Variants in NKAIN3 observed in about 807,000 individuals in gnomAD.
NKAIN3 encodes sodium/potassium-transporting ATPase subunit beta-1-interacting protein 3.
A neutral mutation model predicts 30.2 loss-of-function variants in NKAIN3; 25 were observed. The ratio of observed to expected loss-of-function variants is 0.83; its 90% CI spans 0.60 to 1.16. The LOEUF is 1.16. Among genes scored for constraint, NKAIN3 ranks in the 50% most tolerant of loss-of-function variants. NKAIN3 has a pLI of 0.00. For missense variants in NKAIN3, 225 were observed against 254.1 expected, an observed-to-expected ratio of 0.89 and a Z score of 0.78; for synonymous variants, 91 against 89.6, an observed-to-expected ratio of 1.02 and a Z score of -0.09.
chr8:62,432,985 G>T (rs1385388195), intron 1 of NKAIN3, among the ~76,000 whole-genome samples: 1 of 152,106 alleles, frequency 6.6e-6, no homozygotes, highest in East Asian at 1.9e-4. Flanking sequence ...GCACATGAGA[G>T]CCACACTTGA....
intron 4 of NKAIN3, among the ~76,000 whole-genome samples, chr8:62,751,862 C>T (rs16929517): frequency 0.2 from 29,135 of 149,342 alleles, 3,218 homozygotes; most frequent in African/African-American, 0.3. Context: ...GAGAGCATTT[C>T]CTAGTCCTCT....
chr8:62,873,429 A>AG, intron 4 of NKAIN3, among the ~76,000 whole-genome samples: 1 of 150,116 alleles, frequency 6.7e-6, no homozygotes. Flanking sequence ...GACAGATCAA[A>AG]GAGACAGAAA....
rs558555015 is a variant in NKAIN3, at chr8:62,713,810, A to G, written c.274-33122A>G. Reference sequence around the variant, plus strand: ...AATAATGCAAATGGAGTTTTAGTTTATTGCTTCTGTATAAATTTCATTAGG... The same window carrying G: ...AATAATGCAAATGGAGTTTTAGTTTGTTGCTTCTGTATAAATTTCATTAGG... On this transcript the variant is annotated intron_variant, in intron 3 of 6. Transcript: ENST00000623646. 2.6e-5 allele frequency among the ~76,000 whole-genome samples: 4 copies of G among 152,246 alleles called. No homozygotes were observed. The South Asian group carries it at 8.3e-4, about 32-fold the overall frequency.
chr8:62,585,145 T>C (rs1810429747), intron 2 of NKAIN3, among the ~76,000 whole-genome samples: 1 of 152,154 alleles, frequency 6.6e-6, no homozygotes, highest in South Asian at 2.1e-4. Flanking sequence ...AATTATATGA[T>C]AAAATAGTAT....
chr8:62,766,220 A>G (rs1326515283), intron 4 of NKAIN3, among the ~76,000 whole-genome samples: 1 of 152,220 alleles, frequency 6.6e-6, no homozygotes, highest in Non-Finnish European at 1.5e-5. Context: ...CATATAATAG[A>G]TTTTATGATT....
At chr8:62,288,591 A>G (rs931560377) in intron 1 of NKAIN3, among the ~76,000 whole-genome samples, 2 of 152,136 alleles carry the variant, frequency 1.3e-5, no homozygotes, top group Admixed American at 6.6e-5. Flanking sequence ...TTATGGCTGC[A>G]TAGTATTCCA....
chr8:62,920,807 TG>T (rs1822254541), intron 5 of NKAIN3, among the ~76,000 whole-genome samples: 1 of 152,200 alleles, frequency 6.6e-6, no homozygotes, highest in South Asian at 2.1e-4. Context: ...AAACGAAACT[TG>T]GGTGCTCAAA....
chr8:62,603,520 C>T, intron 3 of NKAIN3, among the ~76,000 whole-genome samples: 1 of 152,050 alleles, frequency 6.6e-6, no homozygotes. Context: ...TAAAATTTTT[C>T]CATGTAGACA....
rs1824004429 is a variant in NKAIN3, at chr8:62,978,715, G to A, written c.*13308G>A. On this transcript the variant is annotated 3_prime_UTR_variant, in exon 7 of 7. Transcript: ENST00000623646. Reference sequence around the variant, plus strand: ...TCCCTGGTTTCAGCCCCCTTTCCAGGGGAGTGAATGGTTCTGTCTCTCTGG... The same window carrying A: ...TCCCTGGTTTCAGCCCCCTTTCCAGAGGAGTGAATGGTTCTGTCTCTCTGG... The A allele has an allele frequency of 6.5e-6, 1 of 153,022 alleles. No individual in the cohort carries two copies. The highest frequency in any genetic ancestry group is 2.4e-5 in the African/African-American group (1 of 41,446). The allele number at this position is 153,022 out of a possible 1,614,324, so 9.5% of individuals were successfully genotyped here.
intron 5 of NKAIN3, among the ~76,000 whole-genome samples, chr8:62,947,738 A>G (rs77106515): frequency 0.066 from 10,066 of 152,220 alleles, 579 homozygotes; most frequent in East Asian, 0.28. Flanking sequence ...AAGGAAGCTC[A>G]GGCCACATGT....
chr8:62,686,833 A>T (rs1242132568), intron 3 of NKAIN3, among the ~76,000 whole-genome samples: 1 of 152,232 alleles, frequency 6.6e-6, no homozygotes, highest in East Asian at 1.9e-4. Context: ...AAATATATTA[A>T]GTAAACAACC....
chr8:62,663,084 T>C (rs1195516485), intron 3 of NKAIN3, among the ~76,000 whole-genome samples: 1 of 152,220 alleles, frequency 6.6e-6, no homozygotes, highest in East Asian at 1.9e-4. Flanking sequence ...GGCAGGAAAG[T>C]GCATGGGAAG....
chr8:62,933,094 C>T (rs1282806142), intron 5 of NKAIN3, among the ~76,000 whole-genome samples: 3 of 151,966 alleles, frequency 2.0e-5, no homozygotes, highest in South Asian at 2.1e-4. Context: ...ACTTCAGATG[C>T]TCTGCTGGAT....
chr8:62,882,382 G>T (rs377153185), intron 4 of NKAIN3, among the ~76,000 whole-genome samples: 2 of 151,970 alleles, frequency 1.3e-5, no homozygotes, highest in South Asian at 2.1e-4. Flanking sequence ...ACAATGACGC[G>T]ATCTCTGCTC....
chr8:62,855,487 CTT>C, intron 4 of NKAIN3: 1 of 1,381,852 alleles, frequency 7.2e-7, no homozygotes, highest in Non-Finnish European at 1.0e-6. Context: ...TTTGTTTTCT[CTT>C]GGTAAATTTC....
At chr8:62,400,163 CTT>C (rs71255333) in intron 1 of NKAIN3, among the ~76,000 whole-genome samples, 5 of 122,242 alleles carry the variant, frequency 4.1e-5, no homozygotes, top group Non-Finnish European at 6.9e-5. Context: ...GCTATATTTT[CTT>C]TTTTTTTTTT....
intron 3 of NKAIN3, among the ~76,000 whole-genome samples, chr8:62,668,256 A>G (rs961742469): frequency 2.0e-5 from 3 of 152,138 alleles, no homozygotes; most frequent in African/African-American, 4.8e-5. Flanking sequence ...CCAATAAGGC[A>G]TGGACTTTGC....
At chr8:62,356,316 A>C (rs1271058379) in intron 1 of NKAIN3, among the ~76,000 whole-genome samples, 1 of 152,134 alleles carries the variant, frequency 6.6e-6, no homozygotes, top group Non-Finnish European at 1.5e-5. Flanking sequence ...TTTTCTCATC[A>C]AAATAGGAAA....
chr8:62,657,279 A>G (rs1279513841), intron 3 of NKAIN3, among the ~76,000 whole-genome samples: 1 of 152,198 alleles, frequency 6.6e-6, no homozygotes, highest in Non-Finnish European at 1.5e-5. Flanking sequence ...CCATTTTAGA[A>G]ACTGAAATAA....
Sources: gnomAD v4.1 joint callset for allele counts (sites outside exome capture counted in the v4.1 genomes callset) on GRCh38, gnomAD v4.1.1 for gene constraint, MANE v1.5 for transcripts, NCBI Gene and HGNC (gene_info 2026-07-23, HGNC 2026-07-21) for gene names.